The following RP1 variants were observed in gnomAD, a reference collection of about 807,000 sequenced individuals.
RP1 encodes the protein oxygen-regulated protein 1.
Under a neutral mutation model 14.8 loss-of-function variants are expected in RP1, and 16 were observed. The observed-to-expected ratio is 1.08, with a 90% confidence interval of 0.73 to 1.65. RP1 has a LOEUF of 1.65. Ranked by LOEUF, RP1 falls within the 40% of genes most tolerant of loss-of-function variation. The probability of loss-of-function intolerance (pLI) is 0.00; values close to 1 mark genes in which losing one functional copy is unlikely to be tolerated. For synonymous variants in RP1, 876 were observed against 883.6 expected (o/e 0.99, Z 0.15); for missense variants, 2,631 against 2,535.0 (o/e 1.04, Z -0.81).
At chr8:54,701,770 C>T in intron 14 of RP1, 1 of 1,007,702 alleles carries the variant, frequency 9.9e-7, no homozygotes, top group Non-Finnish European at 1.4e-6. Context: ...CGAATCACTT[C>T]CCACTAGGTG....
intron 24 of RP1, among the ~76,000 whole-genome samples, chr8:54,823,107 T>C (rs1811298484): frequency 2.6e-5 from 4 of 152,078 alleles, no homozygotes; most frequent in Admixed American, 2.6e-4. Context: ...CTCGTGTGAC[T>C]CCCCGCCGCC....
rs1237261610 is a variant in RP1 at position 54,627,391 on chromosome 8, T to C, written c.3509T>C (p.Ile1170Thr). 7 of 1,614,074 alleles carry C rather than the reference T, an allele frequency of 4.3e-6. No individual in the cohort carries two copies. The highest frequency in any genetic ancestry group is 2.2e-5 in the East Asian group (1 of 44,900). ...TLALLEILKHIAITEEADDLK... is the reference protein window; with the variant it reads ...TLALLEILKHTAITEEADDLK... ...GCATTGTTGGAGATTCTAAAGCACA[T>C]AGCTATCACAGAGGAAGCTGATGAC... Residue 1170 changes from isoleucine (I) to threonine (T), a missense_variant, in exon 4 of 4, where the codon ATA becomes ACA. Coordinates refer to ENST00000220676, the MANE Select transcript of RP1 (RefSeq NM_006269.2).
chr8:54,776,552 A>G (rs920898250), intron 23 of RP1, among the ~76,000 whole-genome samples: 2 of 152,196 alleles, frequency 1.3e-5, no homozygotes, highest in African/African-American at 2.4e-5. Flanking sequence ...CCTGGAACTA[A>G]TCTCCCTGGA....
intron 1 of RP1, among the ~76,000 whole-genome samples, chr8:54,585,124 T>A (rs1804890087): frequency 6.6e-6 from 1 of 152,242 alleles, no homozygotes. Flanking sequence ...GGCGTGTTTT[T>A]GCAGTGGTTG....
chr8:54,571,305 C>T (rs928994947), intron 1 of RP1, among the ~76,000 whole-genome samples: 2 of 152,234 alleles, frequency 1.3e-5, no homozygotes. Context: ...ATCACACTTG[C>T]AGTCACTTTT....
At chr8:54,733,404 CAG>C (rs1247869452) in intron 17 of RP1, among the ~76,000 whole-genome samples, 19 of 152,224 alleles carry the variant, frequency 1.2e-4, no homozygotes, top group Admixed American at 5.2e-4. Flanking sequence ...GTTATACTGA[CAG>C]AGATTACTCA....
intron 24 of RP1, among the ~76,000 whole-genome samples, chr8:54,829,479 G>T (rs953815772): frequency 1.3e-5 from 2 of 152,130 alleles, no homozygotes; most frequent in African/African-American, 4.8e-5. Context: ...TATTAATAAA[G>T]TGTACAAAGC....
At chr8:54,676,973 T>C (rs2129334223) in intron 8 of RP1, among the ~76,000 whole-genome samples, 1 of 152,124 alleles carries the variant, frequency 6.6e-6, no homozygotes, top group East Asian at 1.9e-4. Flanking sequence ...GAATAGTGTA[T>C]GTAAGGACAT....
Position 54,628,196 on chromosome 8 carries a change from T to A in RP1, c.4314T>A (p.Asp1438Glu), listed in dbSNP as rs1175357628. ...FQDENAYTSF[D>E]MEEPRTSEEP... is the part of the protein sequence containing the mutation. ...ATGAAAATGCATATACTTCCTTTGA[T>A]ATGGAAGAACCACGGACTTCTGAAG... Residue 1438 changes from aspartate (D) to glutamate (E), a missense_variant, in exon 4 of 4, where the codon GAT becomes GAA. Coordinates refer to ENST00000220676, the MANE Select transcript of RP1 (RefSeq NM_006269.2). The A allele has an allele frequency of 1.2e-6, 2 of 1,614,056 alleles. No individual in the cohort carries two copies. Among genetic ancestry groups the A allele is most frequent in the Non-Finnish European group, 1.7e-6 (2 of 1,179,920 alleles).
intron 24 of RP1, among the ~76,000 whole-genome samples, chr8:54,828,054 C>G (rs554957492): frequency 1.3e-5 from 2 of 152,256 alleles, no homozygotes; most frequent in East Asian, 3.9e-4. Context: ...AGGTCTTCAG[C>G]GACAAAAACA....
intron 17 of RP1, among the ~76,000 whole-genome samples, chr8:54,726,650 G>A (rs1314142999): frequency 6.6e-6 from 1 of 151,918 alleles, no homozygotes; most frequent in African/African-American, 2.4e-5. Context: ...ATATTATAAA[G>A]AATACATATA....
At chr8:54,869,788 G>T in intron 28 of RP1, 1 of 644,340 alleles carries the variant, frequency 1.6e-6, no homozygotes, top group South Asian at 7.9e-5. Flanking sequence ...TCTAACTAAT[G>T]AGCCTCCTTT....
At chr8:54,811,489 A>G (rs1484888430) in intron 24 of RP1, among the ~76,000 whole-genome samples, 1 of 152,220 alleles carries the variant, frequency 6.6e-6, no homozygotes. Flanking sequence ...TTGCAGTACT[A>G]ATCACATTAG....
chr8:54,806,418 A>G (rs902946839), intron 24 of RP1, among the ~76,000 whole-genome samples: 1 of 152,124 alleles, frequency 6.6e-6, no homozygotes, highest in African/African-American at 2.4e-5. Context: ...GAGCTGATTT[A>G]AAACACCAAA....
At chr8:54,780,995 G>A (rs113285755) in intron 23 of RP1, 1 of 978,738 alleles carries the variant, frequency 1.0e-6, no homozygotes. Flanking sequence ...ATTTATTAAG[G>A]AATATTTGGA....
At chr8:54,758,644 T>C (rs1164462418) in intron 21 of RP1, among the ~76,000 whole-genome samples, 1 of 152,206 alleles carries the variant, frequency 6.6e-6, no homozygotes, top group African/African-American at 2.4e-5. Flanking sequence ...AAAGTGTTTG[T>C]GTTGGGATTT....
chr8:54,847,829 G>A (rs923858), intron 25 of RP1, among the ~76,000 whole-genome samples: 45,396 of 152,124 alleles, frequency 0.3, 7,050 homozygotes, highest in South Asian at 0.37. Context: ...TTTGGGGACA[G>A]CTAAGTAGCC....
chr8:54,775,778 G>T (rs532497043), intron 23 of RP1, among the ~76,000 whole-genome samples: 1 of 152,328 alleles, frequency 6.6e-6, no homozygotes, highest in East Asian at 1.9e-4. Context: ...TAGTGGATAG[G>T]CTCATACAGA....
intron 25 of RP1, among the ~76,000 whole-genome samples, chr8:54,846,985 G>A (rs1044420838): frequency 6.6e-6 from 1 of 152,188 alleles, no homozygotes; most frequent in Non-Finnish European, 1.5e-5. Context: ...CTTAGCAGCA[G>A]GGATGAGAGC....
Sources: gnomAD v4.1 joint callset for allele counts (sites outside exome capture counted in the v4.1 genomes callset) on GRCh38, gnomAD v4.1.1 for gene constraint, MANE v1.5 for transcripts, NCBI Gene and HGNC (gene_info 2026-07-23, HGNC 2026-07-21) for gene names.